The following DLC1 variants were observed in gnomAD, a reference collection of about 807,000 sequenced individuals.
DLC1 encodes the protein rho GTPase-activating protein 7.
Under a neutral mutation model 140.3 loss-of-function variants are expected in DLC1, and 54 were observed. The ratio of observed to expected loss-of-function variants is 0.38; its 90% CI spans 0.31 to 0.48. DLC1 has a LOEUF of 0.48. Ranked by LOEUF, DLC1 falls within the 20% of genes least tolerant of loss-of-function variation. The pLI is 0.96. For synonymous variants in DLC1, 986 were observed against 728.1 expected, an observed-to-expected ratio of 1.35 and a Z score of -5.70; for missense variants, 2,536 against 1,907.0, an observed-to-expected ratio of 1.33 and a Z score of -6.14.
chr8:13,594,940 T>C (rs12677258), intron 1 of DLC1, among the ~76,000 whole-genome samples: 42,542 of 151,090 alleles, frequency 0.28, 6,125 homozygotes, highest in African/African-American at 0.34. Flanking sequence ...AATGTGACTA[T>C]TGATTGATTC....
At chr8:13,581,809 C>T (rs1805108741) in intron 1 of DLC1, among the ~76,000 whole-genome samples, 1 of 152,182 alleles carries the variant, frequency 6.6e-6, no homozygotes, top group South Asian at 2.1e-4. Context: ...CTGCCTTCTT[C>T]TCTCTCCCTC....
intron 5 of DLC1, among the ~76,000 whole-genome samples, chr8:13,164,305 A>T (rs573935932): frequency 6.7e-6 from 1 of 149,036 alleles, no homozygotes; most frequent in South Asian, 2.1e-4. Context: ...TCAAAAAAAA[A>T]AAATCTCTAT....
Position 13,126,742 on chromosome 8 carries a change from A to T in DLC1, c.1349-11085T>A, listed in dbSNP as rs144112373. Among the ~76,000 whole-genome samples the T allele has an allele frequency of 4.3e-3, 652 of 152,346 alleles. 3 individuals are homozygous for T. The highest frequency in any genetic ancestry group is 8.2e-3 in the Non-Finnish European group (555 of 68,026). ...CATACAAATAAACTCTTTCTTTTAC[A>T]TATGTTAGCAAAGCTTATTCTACGA... On this transcript the variant is annotated intron_variant, in intron 5 of 17. Coordinates refer to ENST00000276297, the MANE Select transcript of DLC1 (RefSeq NM_182643.3).
At chr8:13,341,862 C>G (rs147038652) in intron 4 of DLC1, 2 of 152,292 alleles carry the variant, frequency 1.3e-5, no homozygotes, top group African/African-American at 4.8e-5. Flanking sequence ...TGTCATCCAT[C>G]AGATTCTCTA....
At chr8:13,179,663 G>GC (rs1307020200) in intron 5 of DLC1, among the ~76,000 whole-genome samples, 12 of 152,034 alleles carry the variant, frequency 7.9e-5, no homozygotes, top group Non-Finnish European at 1.6e-4. Context: ...TGCGGCCACA[G>GC]TGAGCACTGA....
chr8:13,316,935 T>C (rs1334223197), intron 4 of DLC1, among the ~76,000 whole-genome samples: 1 of 151,022 alleles, frequency 6.6e-6, no homozygotes, highest in Non-Finnish European at 1.5e-5. Context: ...ATTGAATCTA[T>C]TCCTTTTTTT....
chr8:13,273,383 A>C (rs915849555), intron 5 of DLC1, among the ~76,000 whole-genome samples: 2 of 152,234 alleles, frequency 1.3e-5, no homozygotes, highest in Non-Finnish European at 2.9e-5. Flanking sequence ...AAGAAGACAG[A>C]GTACCTTGGG....
intron 5 of DLC1, among the ~76,000 whole-genome samples, chr8:13,134,041 C>T (rs1466559901): frequency 1.3e-5 from 2 of 152,234 alleles, no homozygotes; most frequent in African/African-American, 4.8e-5. Context: ...GCTCCTGGAA[C>T]TGCCCTTAGC....
At chr8:13,520,054 A>G (rs1239054312) in intron 1 of DLC1, among the ~76,000 whole-genome samples, 2 of 152,196 alleles carry the variant, frequency 1.3e-5, no homozygotes, top group Non-Finnish European at 2.9e-5. Context: ...TCATTATGTA[A>G]GACAGTGTGG....
chr8:13,556,299 C>T (rs1258768222), intron 1 of DLC1, among the ~76,000 whole-genome samples: 1 of 152,116 alleles, frequency 6.6e-6, no homozygotes, highest in Non-Finnish European at 1.5e-5. Context: ...GAGCACTAGT[C>T]ACAAAATCCT....
chr8:13,399,033 A>G (rs1302124929), intron 3 of DLC1, among the ~76,000 whole-genome samples: 1 of 152,138 alleles, frequency 6.6e-6, no homozygotes, highest in East Asian at 1.9e-4. Flanking sequence ...AGACCAAAAG[A>G]TACTGCAGAA....
rs1307341399 is a variant in DLC1 at position 13,382,960 on chromosome 8, A to G, written c.1314+10593T>C. On this transcript the variant is annotated intron_variant, in intron 4 of 17. Transcript: ENST00000276297. ...GGAGTGAGCCCTAATAAGATACATA[A>G]GAAATACACAAAGTTGAAAGAGATC... 2.6e-5 allele frequency among the ~76,000 whole-genome samples: 4 copies of G among 152,214 alleles called. No homozygotes were observed. In the East Asian group the frequency reaches 7.7e-4, roughly 29 times the overall value.
chr8:13,423,501 A>G (rs1006933607), intron 2 of DLC1, among the ~76,000 whole-genome samples: 1 of 152,154 alleles, frequency 6.6e-6, no homozygotes, highest in Non-Finnish European at 1.5e-5. Flanking sequence ...ATAATCCTTG[A>G]TTCTTAGTAT....
At chr8:13,230,141 C>G (rs534077324) in intron 5 of DLC1, among the ~76,000 whole-genome samples, 1 of 152,200 alleles carries the variant, frequency 6.6e-6, no homozygotes, top group African/African-American at 2.4e-5. Context: ...AGGCGAGAAA[C>G]GGCATTGTCT....
At chr8:13,597,052 C>T (rs1167498744) in intron 1 of DLC1, among the ~76,000 whole-genome samples, 4 of 151,950 alleles carry the variant, frequency 2.6e-5, no homozygotes, top group East Asian at 3.9e-4. Flanking sequence ...CATAATGCAG[C>T]AAGGACAAGT....
chr8:13,120,337 C>T (rs1402727977), intron 5 of DLC1, among the ~76,000 whole-genome samples: 5 of 13,354 alleles, frequency 3.7e-4, no homozygotes, highest in South Asian at 3.7e-3. Flanking sequence ...AAAGAGACTC[C>T]GTCGCAAAAA....
chr8:13,544,700 C>T (rs1034285309), intron 1 of DLC1, among the ~76,000 whole-genome samples: 2 of 152,070 alleles, frequency 1.3e-5, no homozygotes, highest in Non-Finnish European at 1.5e-5. Flanking sequence ...AAGTTAAGTC[C>T]GATCGGTATA....
chr8:13,134,290 G>C (rs558341654), intron 5 of DLC1, among the ~76,000 whole-genome samples: 59 of 152,338 alleles, frequency 3.9e-4, no homozygotes, highest in African/African-American at 1.3e-3. Context: ...GGGCAAGGAA[G>C]ACTACTGAAC....
rs571562972 is a variant in DLC1 at position 13,283,953 on chromosome 8, C to T, written c.1348+21316G>A. On this transcript the variant is annotated intron_variant, in intron 5 of 17. Coordinates refer to ENST00000276297, the MANE Select transcript of DLC1 (RefSeq NM_182643.3). ...GTCTTCCCAAGCCTTTGGCTGAACACGGATTGCCACCAGCATGCGAAAGAA... is the reference window on the plus strand; with the variant it reads ...GTCTTCCCAAGCCTTTGGCTGAACATGGATTGCCACCAGCATGCGAAAGAA... 6.0e-4 allele frequency among the ~76,000 whole-genome samples: 92 copies of T among 152,234 alleles called. 2 individuals are homozygous for T. In the South Asian group the frequency reaches 0.013, roughly 22 times the overall value.
Sources: allele counts gnomAD v4.1 joint callset (sites outside exome capture counted in the v4.1 genomes callset), GRCh38; gene constraint gnomAD v4.1.1; transcripts MANE v1.5; gene names NCBI Gene and HGNC (gene_info 2026-07-23, HGNC 2026-07-21).